PDZRN4: variants seen among roughly 807,000 people sequenced by gnomAD.
The protein encoded by PDZRN4 is PDZ domain containing ring finger 4, also known as PDZ domain-containing RING finger protein 4.
In PDZRN4, 70 loss-of-function variants were observed where a neutral mutation model predicts 99.0. That is an observed-to-expected ratio of 0.71 (90% CI 0.58 to 0.86). PDZRN4 has a LOEUF of 0.86. Ranked by LOEUF, PDZRN4 falls within the 40% of genes least tolerant of loss-of-function variation. PDZRN4 has a pLI of 0.00. For missense variants in PDZRN4, 1,474 were observed against 1,331.2 expected (o/e 1.11, Z -1.67); for synonymous variants, 551 against 501.6 (o/e 1.10, Z -1.32).
chr12:41,208,476 C>T (rs1950865339), intron 3 of PDZRN4, among the ~76,000 whole-genome samples: 1 of 151,766 alleles, frequency 6.6e-6, no homozygotes, highest in Admixed American at 6.6e-5. Flanking sequence ...AGCTTTTAAT[C>T]TTTGTCAATT....
At chr12:41,568,870 T>C (rs1246401533) in intron 9 of PDZRN4, among the ~76,000 whole-genome samples, 1 of 151,570 alleles carries the variant, frequency 6.6e-6, no homozygotes. Context: ...AGTGGCACAA[T>C]CTCAGCTCAC....
At chr12:41,285,935 G>A (rs1391371867) in intron 3 of PDZRN4, among the ~76,000 whole-genome samples, 1 of 151,938 alleles carries the variant, frequency 6.6e-6, no homozygotes, top group East Asian at 1.9e-4. Flanking sequence ...AACCACCATG[G>A]CACATGTATA....
rs187785747 is a variant in PDZRN4, at chr12:41,529,264, T to G, written c.1203+19351T>G. Among the ~76,000 whole-genome samples, 282 of 152,266 alleles carry G rather than the reference T, an allele frequency of 1.9e-3. 1 individual carries two copies. The highest frequency in any genetic ancestry group is 6.5e-3 in the African/African-American group (268 of 41,546). ...GTGTGTGAATTTCTGGATTTCCAAG[T>G]GTACCAAATTACTGTCTGTATTACA... On this transcript the variant is annotated intron_variant, in intron 5 of 9. Coordinates refer to ENST00000402685, the MANE Select transcript of PDZRN4 (RefSeq NM_001164595.2).
chr12:41,214,801 GTAA>G (rs1282535942), intron 3 of PDZRN4, among the ~76,000 whole-genome samples: 3 of 151,880 alleles, frequency 2.0e-5, no homozygotes, highest in Admixed American at 6.6e-5. Context: ...GTTATAACAG[GTAA>G]TAATAAAAGA....
At chr12:41,287,385 G>A (rs1419583780) in intron 3 of PDZRN4, among the ~76,000 whole-genome samples, 1 of 152,156 alleles carries the variant, frequency 6.6e-6, no homozygotes, top group African/African-American at 2.4e-5. Context: ...GTGTCTAAAA[G>A]AAACTTGCCC....
chr12:41,355,256 T>C (rs1245602367), intron 3 of PDZRN4, among the ~76,000 whole-genome samples: 2 of 152,046 alleles, frequency 1.3e-5, no homozygotes, highest in Admixed American at 1.3e-4. Flanking sequence ...TTGAGAACAG[T>C]TGCTACTTTC....
chr12:41,389,977 A>G (rs1952198348), intron 3 of PDZRN4, among the ~76,000 whole-genome samples: 1 of 152,214 alleles, frequency 6.6e-6, no homozygotes, highest in Non-Finnish European at 1.5e-5. Context: ...GGTAATGTCG[A>G]AAAGGACAGA....
chr12:41,204,042 C>T (rs996299455), intron 3 of PDZRN4, among the ~76,000 whole-genome samples: 1 of 93,684 alleles, frequency 1.1e-5, no homozygotes, highest in Non-Finnish European at 2.6e-5. Context: ...GTAGTAAGGG[C>T]TTGTAGCAAA....
chr12:41,262,230 A>C (rs1360804618), intron 3 of PDZRN4, among the ~76,000 whole-genome samples: 2 of 152,206 alleles, frequency 1.3e-5, no homozygotes, highest in Non-Finnish European at 2.9e-5. Context: ...AACATTCATT[A>C]TAGTTTTGCC....
intron 3 of PDZRN4, among the ~76,000 whole-genome samples, chr12:41,445,660 T>C (rs567052354): frequency 7.8e-5 from 11 of 140,164 alleles, no homozygotes; most frequent in Non-Finnish European, 1.7e-4. Flanking sequence ...TTCTATACTC[T>C]TGACATGTTT....
At chr12:41,405,527 A>G (rs1200351199) in intron 3 of PDZRN4, among the ~76,000 whole-genome samples, 2 of 152,222 alleles carry the variant, frequency 1.3e-5, no homozygotes, top group African/African-American at 4.8e-5. Flanking sequence ...GCCACTGGGG[A>G]AAGCAGTTAA....
intron 3 of PDZRN4, among the ~76,000 whole-genome samples, chr12:41,397,615 TC>T (rs1395319450): frequency 1.3e-5 from 2 of 152,120 alleles, no homozygotes; most frequent in African/African-American, 4.8e-5. Context: ...TAGAATTCAG[TC>T]TTTTTTAGTA....
intron 2 of PDZRN4, among the ~76,000 whole-genome samples, chr12:41,193,651 A>G (rs529774239): frequency 1.2e-4 from 19 of 152,346 alleles, no homozygotes; most frequent in African/African-American, 4.1e-4. Flanking sequence ...AAAAAGCTAA[A>G]TTACATTTCT....
At chr12:41,278,169 C>T (rs925720654) in intron 3 of PDZRN4, among the ~76,000 whole-genome samples, 2 of 152,114 alleles carry the variant, frequency 1.3e-5, no homozygotes, top group African/African-American at 2.4e-5. Context: ...ATGCGTGACT[C>T]ATAAGATAAT....
intron 3 of PDZRN4, among the ~76,000 whole-genome samples, chr12:41,423,199 G>C (rs188874857): frequency 7.2e-5 from 11 of 152,070 alleles, no homozygotes; most frequent in African/African-American, 2.4e-4. Flanking sequence ...AGAACATGCA[G>C]GTTTGTTACA....
intron 4 of PDZRN4, among the ~76,000 whole-genome samples, chr12:41,507,719 A>C (rs1938232228): frequency 6.6e-6 from 1 of 152,178 alleles, no homozygotes; most frequent in African/African-American, 2.4e-5. Flanking sequence ...CCTAATGTGC[A>C]GCCAAGTTTT....
At chr12:41,337,116 A>G (rs898077409) in intron 3 of PDZRN4, among the ~76,000 whole-genome samples, 21 of 152,112 alleles carry the variant, frequency 1.4e-4, no homozygotes, top group Non-Finnish European at 2.4e-4. Flanking sequence ...GAGTCACACT[A>G]TGAACTGAAT....
At chr12:41,472,735 G>C (rs1953005176) in intron 3 of PDZRN4, among the ~76,000 whole-genome samples, 1 of 152,130 alleles carries the variant, frequency 6.6e-6, no homozygotes, top group Admixed American at 6.5e-5. Flanking sequence ...ATAAACATAT[G>C]AGATGGTAGT....
At chr12:41,406,025 A>T (rs1434692824) in intron 3 of PDZRN4, among the ~76,000 whole-genome samples, 1 of 152,166 alleles carries the variant, frequency 6.6e-6, no homozygotes, top group Non-Finnish European at 1.5e-5. Context: ...GGTGTAATAT[A>T]CTCATGTAAC....
Sources: allele counts gnomAD v4.1 joint callset (sites outside exome capture counted in the v4.1 genomes callset), GRCh38; gene constraint gnomAD v4.1.1; transcripts MANE v1.5; gene names NCBI Gene and HGNC (gene_info 2026-07-23, HGNC 2026-07-21).